AGMO: variants seen among roughly 807,000 people sequenced by gnomAD.
The protein encoded by AGMO is glyceryl-ether monooxygenase.
A neutral mutation model predicts 60.2 loss-of-function variants in AGMO; 75 were observed. That is an observed-to-expected ratio of 1.25 (90% CI 1.03 to 1.51). AGMO has a LOEUF of 1.51. Among genes scored for constraint, AGMO ranks in the 40% most tolerant of loss-of-function variants. AGMO has a pLI of 0.00. For missense variants in AGMO, 763 were observed against 525.5 expected, an observed-to-expected ratio of 1.45 and a Z score of -4.42; for synonymous variants, 261 against 177.1, an observed-to-expected ratio of 1.47 and a Z score of -3.76.
chr7:15,329,806 G>A (rs1011056554), intron 12 of AGMO, among the ~76,000 whole-genome samples: 10 of 152,154 alleles, frequency 6.6e-5, no homozygotes, highest in African/African-American at 2.4e-4. Context: ...TGGGAATTCA[G>A]ATGCTATTTG....
chr7:15,412,619 G>A (rs1335672431), intron 5 of AGMO, among the ~76,000 whole-genome samples: 1 of 140,756 alleles, frequency 7.1e-6, no homozygotes, highest in Non-Finnish European at 1.5e-5. Context: ...TAGCAAAAGA[G>A]AATTTAGAGT....
intron 10 of AGMO, among the ~76,000 whole-genome samples, chr7:15,370,633 A>G (rs1783172241): frequency 6.6e-6 from 1 of 152,056 alleles, no homozygotes; most frequent in African/African-American, 2.4e-5. Flanking sequence ...GCATTTCTCT[A>G]ATGATTAGTG....
At chr7:15,172,385 G>A in the AGMO span, among the ~76,000 whole-genome samples, 1 of 152,144 alleles carries the variant, frequency 6.6e-6, no homozygotes, top group African/African-American at 2.4e-5. Context: ...TCAGGTTGAA[G>A]ATGGTACTTA....
At chr7:15,265,510 A>C (rs1026032152) in intron 12 of AGMO, among the ~76,000 whole-genome samples, 3 of 152,056 alleles carry the variant, frequency 2.0e-5, no homozygotes, top group East Asian at 3.9e-4. Context: ...TTAAAAGCAA[A>C]ATTTATAAGC....
chr7:15,299,741 T>C (rs555162148), intron 12 of AGMO, among the ~76,000 whole-genome samples: 6 of 151,666 alleles, frequency 4.0e-5, no homozygotes, highest in East Asian at 2.0e-4. Flanking sequence ...GGCAGGAGAA[T>C]TGCTCGAACC....
At position 15,267,367 on chromosome 7, in the gene AGMO, C is replaced by T. The variant is rs1583344675; in HGVS notation, c.1264-66008G>A. 2.0e-5 allele frequency among the ~76,000 whole-genome samples: 3 copies of T among 151,820 alleles called. No homozygotes were observed. The East Asian group carries it at 5.8e-4, about 29-fold the overall frequency. ...TTAAGTGAAAAAGACAGAATAAAAA[C>T]TCCATCTGTTTTTAAACATCATGAA... On this transcript the variant is annotated intron_variant, in intron 12 of 12. Coordinates refer to ENST00000342526, the MANE Select transcript of AGMO (RefSeq NM_001004320.2).
intron 3 of AGMO, among the ~76,000 whole-genome samples, chr7:15,454,531 T>G (rs181185561): frequency 2.6e-4 from 40 of 152,258 alleles, no homozygotes; most frequent in African/African-American, 8.2e-4. Context: ...CTAAAAAAAC[T>G]ATTGACCTAT....
At chr7:15,393,356 C>T (rs1484299738) in intron 6 of AGMO, among the ~76,000 whole-genome samples, 1 of 152,196 alleles carries the variant, frequency 6.6e-6, no homozygotes, top group East Asian at 1.9e-4. Context: ...TACTGGCTTC[C>T]TTCTCTCAGT....
At chr7:15,365,397 A>AAAAAAAT in intron 12 of AGMO, 117 bp downstream of exon 12, 1 of 486,326 alleles carries the variant, frequency 2.1e-6, no homozygotes, top group Non-Finnish European at 3.6e-6. Flanking sequence ...AAAAAAAAAG[A>AAAAAAAT]TCAAGATTTC....
At chr7:15,125,612 G>A in the AGMO span, among the ~76,000 whole-genome samples, 57 of 151,928 alleles carry the variant, frequency 3.8e-4, no homozygotes, top group African/African-American at 1.3e-3. Context: ...GGTGTCTTCT[G>A]TTTCTCTTCC....
chr7:15,322,619 TAA>T (rs1491224545), intron 12 of AGMO, among the ~76,000 whole-genome samples: 2 of 57,492 alleles, frequency 3.5e-5, no homozygotes, highest in African/African-American at 1.1e-4. Flanking sequence ...TATAAATATA[TAA>T]ATATATATAA....
At chr7:15,203,283 G>C (rs1239919179) in intron 12 of AGMO, among the ~76,000 whole-genome samples, 1 of 152,016 alleles carries the variant, frequency 6.6e-6, no homozygotes, top group East Asian at 1.9e-4. Flanking sequence ...ATAGGAAGTG[G>C]AAAAGATTAC....
intron 12 of AGMO, among the ~76,000 whole-genome samples, chr7:15,287,128 C>T (rs1784119284): frequency 6.6e-6 from 1 of 152,060 alleles, no homozygotes; most frequent in Non-Finnish European, 1.5e-5. Context: ...GTACGATACA[C>T]ACTACTCAGG....
intron 12 of AGMO, among the ~76,000 whole-genome samples, chr7:15,361,693 G>GTTA (rs1782774091): frequency 1.3e-5 from 2 of 151,934 alleles, no homozygotes; most frequent in South Asian, 4.2e-4. Context: ...ATGAAGTGTG[G>GTTA]TTATATCTTC....
In AGMO at chr7:15,442,081, G is replaced by T. The variant is rs370413025; in HGVS notation, c.410-10973C>A. 3.3e-5 allele frequency among the ~76,000 whole-genome samples: 5 copies of T among 152,128 alleles called. 1 individual carries two copies. The East Asian group carries it at 5.8e-4, about 18-fold the overall frequency. Reference sequence around the variant, plus strand: ...TGTTACTGAATTTGCAAGGAATAAGGCTGTGTGTCCCCTGAAAGTGCCAGA... The same window carrying T: ...TGTTACTGAATTTGCAAGGAATAAGTCTGTGTGTCCCCTGAAAGTGCCAGA... On this transcript the variant is annotated intron_variant, in intron 3 of 12. Coordinates refer to ENST00000342526, the MANE Select transcript of AGMO (RefSeq NM_001004320.2).
At chr7:15,455,272 T>C (rs1002537965) in intron 3 of AGMO, among the ~76,000 whole-genome samples, 2 of 152,132 alleles carry the variant, frequency 1.3e-5, no homozygotes, top group Admixed American at 6.6e-5. Context: ...TTTATGTTGG[T>C]TTGTTTCTTC....
intron 12 of AGMO, among the ~76,000 whole-genome samples, chr7:15,322,977 A>T (rs1272391565): frequency 2.2e-4 from 27 of 122,078 alleles, no homozygotes; most frequent in East Asian, 4.5e-4. Context: ...GTATATATAT[A>T]TGTATTTATT....
At chr7:15,217,025 C>T (rs963665171) in intron 12 of AGMO, among the ~76,000 whole-genome samples, 6 of 151,948 alleles carry the variant, frequency 3.9e-5, no homozygotes, top group African/African-American at 1.5e-4. Flanking sequence ...ATTTGAATAC[C>T]TAATATATAG....
At chr7:15,551,029 ATG>A (rs1466341189) in intron 2 of AGMO, among the ~76,000 whole-genome samples, 183 of 149,264 alleles carry the variant, frequency 1.2e-3, no homozygotes, top group African/African-American at 4.3e-3. Flanking sequence ...AAATCAATAA[ATG>A]TAATCCAGCA....
Sources: allele counts gnomAD v4.1 joint callset (sites outside exome capture counted in the v4.1 genomes callset), GRCh38; gene constraint gnomAD v4.1.1; transcripts MANE v1.5; gene names NCBI Gene and HGNC (gene_info 2026-07-23, HGNC 2026-07-21).